The following LRRC15 variants were observed in gnomAD, a reference collection of about 807,000 sequenced individuals.
LRRC15 encodes the protein leucine-rich repeat-containing protein 15.
LRRC15 carries 5 observed loss-of-function variants against 4.3 expected under a neutral mutation model. That is an observed-to-expected ratio of 1.16 (90% CI 0.61 to 2.44). The LOEUF is 2.44. Ranked by LOEUF, LRRC15 falls within the 30% of genes most tolerant of loss-of-function variation. LRRC15 has a pLI of 0.01. For missense variants in LRRC15, 769 were observed against 747.0 expected (o/e 1.03, Z -0.34); for synonymous variants, 337 against 323.2 (o/e 1.04, Z -0.46).
intron 1 of LRRC15, 148 bp downstream of exon 1, chr3:194,369,513 T>G (rs1713880433): frequency 1.5e-5 from 1 of 68,666 alleles, no homozygotes; most frequent in African/African-American, 4.9e-5. Context: ...CACAGGCTGC[T>G]TCTGTCCCTG....
chr3:194,360,877 A>ATG lies in LRRC15; in HGVS notation c.165_166dup (p.Met56ThrfsTer2), dbSNP rs774681779. On this transcript the variant is annotated frameshift_variant, in exon 2 of 2. Transcript: ENST00000347624. LOFTEE classifies it low-confidence loss of function (END_TRUNC). ...GTGCGTGTTGAGGATCTGCAGGCTC[A>ATG]TGGCGTTCCAGGGCAGAGGGGTGGG... 1 of 1,608,704 alleles carries ATG rather than the reference A, an allele frequency of 6.2e-7. No homozygotes were observed. The highest frequency in any genetic ancestry group is 8.5e-7 in the Non-Finnish European group (1 of 1,176,752).
rs1234109754 is a variant in LRRC15 at position 194,359,711 on chromosome 3, A to T, written c.1333T>A (p.Leu445Ile). The T allele has an allele frequency of 6.2e-7, 1 of 1,614,208 alleles. No homozygotes were observed. The highest frequency in any genetic ancestry group is 1.3e-5 in the African/African-American group (1 of 75,058). The change falls in exon 2 of 2, where the codon TTA becomes ATA. Residue 445 changes from leucine (L) to isoleucine (I), a missense_variant. Transcript: ENST00000347624. Reference protein sequence around the residue: ...RNWLLLNQPRLGTDTVPVCFS... With the variant: ...RNWLLLNQPRIGTDTVPVCFS... ...CACACAGGTACAGTGTCCGTCCCTA[A>T]CCTAGGCTGGTTGAGCAGGAGCCAG...
chr3:194,359,967 G>T lies in LRRC15; in HGVS notation c.1077C>A (p.Asn359Lys), dbSNP rs9682541. The T allele has an allele frequency of 2.6e-5, 42 of 1,613,928 alleles. No individual in the cohort carries two copies. Among genetic ancestry groups the T allele is most frequent in the Middle Eastern group, 1.6e-4 (1 of 6,084 alleles). ...HTNALQDLDG[N>K]VFRMLANLQN... ...GCAGGTTGGCCAACATGCGGAAGAC[G>T]TTCCCGTCCAGGTCCTGCAGTGCGT... The change falls in exon 2 of 2, where the codon AAC becomes AAA. Residue 359 changes from asparagine (N) to lysine (K), a missense_variant. By Grantham distance (94) the Asn-to-Lys change is moderately conservative. Transcript: ENST00000347624.
At position 194,360,029 on chromosome 3, in the gene LRRC15, C is replaced by T. The variant is rs750347638; in HGVS notation, c.1015G>A (p.Gly339Arg). The T allele has an allele frequency of 4.3e-6, 7 of 1,614,196 alleles. No individual in the cohort carries two copies. Among genetic ancestry groups the T allele is most frequent in the African/African-American group, 4.0e-5 (3 of 75,038 alleles). Reference protein sequence around the residue: ...ISFISPGAFNGLTELRELSLH... With the variant: ...ISFISPGAFNRLTELRELSLH... Reference sequence around the variant, plus strand: ...GACAGCTCCCGAAGCTCCGTTAGCCCGTTGAAGGCACCCGGGGAGATGAAG... The same window carrying T: ...GACAGCTCCCGAAGCTCCGTTAGCCTGTTGAAGGCACCCGGGGAGATGAAG... Residue 339 changes from glycine to arginine, a missense_variant, in exon 2 of 2, where the codon GGG (glycine) becomes AGG (arginine). Physicochemically the swap from Gly to Arg is moderately radical, Grantham distance 125. Coordinates refer to ENST00000347624, the MANE Select transcript of LRRC15 (RefSeq NM_130830.5).
At chr3:194,363,450 G>T (rs1457057859) in intron 1 of LRRC15, 3 of 652,768 alleles carry the variant, frequency 4.6e-6, no homozygotes, top group African/African-American at 1.9e-5. Flanking sequence ...CAAATGTCAG[G>T]TCCAGAACCC....
At position 194,359,452 on chromosome 3, in the gene LRRC15, C is replaced by A. The variant is rs754979143; in HGVS notation, c.1592G>T (p.Gly531Val). The change falls in exon 2 of 2, where the codon GGC (glycine) becomes GTC (valine). Residue 531 changes from glycine to valine, a missense_variant. Physicochemically the swap from Gly to Val is moderately radical, Grantham distance 109 (BLOSUM62 -3). Transcript: ENST00000347624. ...CAGCCCGCTCTGGGCCTGGGTCATG[C>A]CCCAAACGCTGCGGTCATCAGTGAC... ...IQVTDDRSVW[G>V]MTQAQSGLAI... is the part of the protein sequence containing the mutation. 1.2e-6 allele frequency: 2 copies of A among 1,614,230 alleles called. No homozygotes were observed. The highest frequency in any genetic ancestry group is 4.5e-5 in the East Asian group (2 of 44,878).
Position 194,360,568 on chromosome 3 carries a change from T to C in LRRC15, c.476A>G (p.Asn159Ser). The C allele has an allele frequency of 5.0e-6, 8 of 1,614,126 alleles. No individual in the cohort carries two copies. The highest frequency in any genetic ancestry group is 6.8e-6 in the Non-Finnish European group (8 of 1,180,014). Reference protein sequence around the residue: ...SNLKELQLHGNHLEYIPDGAF... With the variant: ...SNLKELQLHGSHLEYIPDGAF... ...TCCGTCAGGGATGTATTCCAGGTGGTTGCCGTGCAACTGCAGCTCCTTGAG... is the reference window on the plus strand; with the variant it reads ...TCCGTCAGGGATGTATTCCAGGTGGCTGCCGTGCAACTGCAGCTCCTTGAG... The change falls in exon 2 of 2, where the codon AAC (asparagine) becomes AGC (serine). Residue 159 changes from asparagine to serine, a missense_variant. By Grantham distance (46) the Asn-to-Ser change is conservative (BLOSUM62 1). Coordinates refer to ENST00000347624, the MANE Select transcript of LRRC15 (RefSeq NM_130830.5).
At chr3:194,364,909 G>A (rs73889807) in intron 1 of LRRC15, among the ~76,000 whole-genome samples, 8,642 of 152,326 alleles carry the variant, frequency 0.057, 834 homozygotes, top group African/African-American at 0.2. Flanking sequence ...CCGCAGGGGA[G>A]GGAGGGGCCA....
chr3:194,368,983 A>T (rs1713865720), intron 1 of LRRC15, among the ~76,000 whole-genome samples: 1 of 152,230 alleles, frequency 6.6e-6, no homozygotes, highest in African/African-American at 2.4e-5. Flanking sequence ...AGCAGGAGAG[A>T]GGGGAAACTG....
chr3:194,359,711 A>G lies in LRRC15; in HGVS notation c.1333T>C (p.Leu445=), dbSNP rs1234109754. Residue 445 remains leucine (L), a synonymous_variant, in exon 2 of 2, where the codon TTA becomes CTA. Coordinates refer to ENST00000347624, the MANE Select transcript of LRRC15 (RefSeq NM_130830.5). The stretch of plus-strand genomic sequence containing the variant: ...CACACAGGTACAGTGTCCGTCCCTA[A>G]CCTAGGCTGGTTGAGCAGGAGCCAG... The part of the protein sequence containing the change: ...RNWLLLNQPR[L]GTDTVPVCFS... 3.1e-6 allele frequency: 5 copies of G among 1,614,208 alleles called. No homozygotes were observed. In the South Asian group the frequency reaches 5.5e-5, roughly 18 times the overall value.
chr3:194,363,972 G>A (rs571108148), intron 1 of LRRC15, among the ~76,000 whole-genome samples: 184 of 152,322 alleles, frequency 1.2e-3, no homozygotes, highest in Non-Finnish European at 2.2e-3. Flanking sequence ...CTAGCTCAGT[G>A]TGGCTTCAGA....
chr3:194,360,966 AG>A lies in LRRC15; in HGVS notation c.77del (p.Pro26LeufsTer31). Reference sequence around the variant, plus strand: ...AGGCCCTGGAGCAGGTACACTCGCTAGGGCAGCCATGGTAGGCCAACCCTGC... The same window carrying A: ...AGGCCCTGGAGCAGGTACACTCGCTAGGCAGCCATGGTAGGCCAACCCTGC... ...WGAGLAYHGC[P>X]SECTCSRASQ... On this transcript the variant is annotated frameshift_variant, in exon 2 of 2. Coordinates refer to ENST00000347624, the MANE Select transcript of LRRC15 (RefSeq NM_130830.5). LOFTEE classifies it low-confidence loss of function (END_TRUNC). 1 of 1,570,586 alleles carries A rather than the reference AG, an allele frequency of 6.4e-7. No individual in the cohort carries two copies. Among genetic ancestry groups the A allele is most frequent in the Non-Finnish European group, 8.6e-7 (1 of 1,162,548 alleles).
chr3:194,364,189 C>A (rs73892333), intron 1 of LRRC15, among the ~76,000 whole-genome samples: 11,598 of 152,136 alleles, frequency 0.076, 1,505 homozygotes, highest in African/African-American at 0.27. Flanking sequence ...ATTCCTAAGA[C>A]CTTAGGATTC....
chr3:194,368,020 T>C (rs1480843858), intron 1 of LRRC15, among the ~76,000 whole-genome samples: 1 of 152,126 alleles, frequency 6.6e-6, no homozygotes, highest in Non-Finnish European at 1.5e-5. Flanking sequence ...AAAGGGCTCT[T>C]ATGACAGCAG....
In LRRC15 at chr3:194,369,725, A is replaced by G. The variant is rs1713892379; in HGVS notation, c.-68T>C. 1 of 152,292 alleles carries G rather than the reference A, an allele frequency of 6.6e-6. No individual in the cohort carries two copies. The highest frequency in any genetic ancestry group is 6.5e-5 in the Admixed American group (1 of 15,282). The allele number at this position is 152,292 out of a possible 1,614,324, so 9.4% of individuals were successfully genotyped here. Reference sequence around the variant, plus strand: ...CTGAGAGGAGGACGAGGGACGGCTCAAGGCTGCAGCATGAGTGTGGCTCGC... The same window carrying G: ...CTGAGAGGAGGACGAGGGACGGCTCGAGGCTGCAGCATGAGTGTGGCTCGC... On this transcript the variant is annotated 5_prime_UTR_variant, in exon 1 of 2. It removes the in-frame stop codon of an upstream open reading frame in the 5' UTR. Transcript: ENST00000347624.
Position 194,359,637 on chromosome 3 carries a change from G to C in LRRC15, c.1407C>G (p.Val469=), listed in dbSNP as rs140618656. 2.9e-5 allele frequency: 47 copies of C among 1,614,072 alleles called. No homozygotes were observed. The African/African-American group carries it at 3.2e-4, about 11-fold the overall frequency. Reference sequence around the variant, plus strand: ...CATGGACGCTTGGAACAGCAACGTTGACATTGATGATAATGAGGGACTGGC... The same window carrying C: ...CATGGACGCTTGGAACAGCAACGTTCACATTGATGATAATGAGGGACTGGC... ...VRGQSLIIIN[V]NVAVPSVHVP... is the part of the protein sequence containing the mutation. The change falls in exon 2 of 2, where the codon GTC becomes GTG. Residue 469 remains valine, a synonymous_variant. Transcript: ENST00000347624.
chr3:194,360,187 GGA>G lies in LRRC15; in HGVS notation c.855_856del (p.Pro286GlyfsTer16). 6.2e-7 allele frequency: 1 copy of G among 1,614,090 alleles called. No homozygotes were observed. Among genetic ancestry groups the G allele is most frequent in the Non-Finnish European group, 8.5e-7 (1 of 1,179,990 alleles). On this transcript the variant is annotated frameshift_variant, in exon 2 of 2. Transcript: ENST00000347624. LOFTEE classifies it low-confidence loss of function (END_TRUNC). ...GTTGGGCATGGGCCCGAAGATCCCC[GGA>G]GAGAGCTCCTTCAGGGAATTCCCAA...
chr3:194,360,404 T>C lies in LRRC15; in HGVS notation c.640A>G (p.Met214Val), dbSNP rs757589083. The C allele has an allele frequency of 3.7e-6, 6 of 1,614,002 alleles. No individual in the cohort carries two copies. The highest frequency in any genetic ancestry group is 2.7e-5 in the African/African-American group (2 of 74,880). ...TTAACAAGCCCATCAAAAGTGCCCA[T>C]GGGGATATCCGTGAGCCTGTTCTCA... is the stretch of plus-strand genomic sequence containing the variant. ...LYENRLTDIP[M>V]GTFDGLVNLQ... Residue 214 changes from methionine to valine, a missense_variant, in exon 2 of 2, where the codon ATG (methionine) becomes GTG (valine). Physicochemically the swap from Met to Val is conservative, Grantham distance 21. Coordinates refer to ENST00000347624, the MANE Select transcript of LRRC15 (RefSeq NM_130830.5).
At position 194,359,460 on chromosome 3, in the gene LRRC15, G is replaced by C; in HGVS notation, c.1584C>G (p.Ser528Arg). The C allele has an allele frequency of 6.2e-7, 1 of 1,614,248 alleles. No homozygotes were observed. Among genetic ancestry groups the C allele is most frequent in the Non-Finnish European group, 8.5e-7 (1 of 1,180,048 alleles). Residue 528 changes from serine (S) to arginine (R), a missense_variant, in exon 2 of 2, where the codon AGC becomes AGG. Physicochemically the swap from Ser to Arg is moderately radical, Grantham distance 110 (BLOSUM62 -1). Coordinates refer to ENST00000347624, the MANE Select transcript of LRRC15 (RefSeq NM_130830.5). ...TCTGGGCCTGGGTCATGCCCCAAAC[G>C]CTGCGGTCATCAGTGACCTGAATGG... is the stretch of plus-strand genomic sequence containing the variant. Reference protein sequence around the residue: ...LTTIQVTDDRSVWGMTQAQSG... With the variant: ...LTTIQVTDDRRVWGMTQAQSG...
Sources: allele counts gnomAD v4.1 joint callset (sites outside exome capture counted in the v4.1 genomes callset), GRCh38; gene constraint gnomAD v4.1.1; transcripts MANE v1.5; gene names NCBI Gene and HGNC (gene_info 2026-07-23, HGNC 2026-07-21).